The following XNDC1N variants were observed in gnomAD, a reference collection of about 807,000 sequenced individuals.
The protein encoded by XNDC1N is XRCC1 N-terminal domain containing 1, N-terminal like.
At chr11:71,886,757 C>A in the XNDC1N span, among the ~76,000 whole-genome samples, 1 of 152,066 alleles carries the variant, frequency 6.6e-6, no homozygotes, top group Non-Finnish European at 1.5e-5. Context: ...AAATAGCTAG[C>A]CAGGTGTTTG....
chr11:71,874,546 G>A, the XNDC1N span, among the ~76,000 whole-genome samples: 1 of 152,060 alleles, frequency 6.6e-6, no homozygotes, highest in Non-Finnish European at 1.5e-5. Context: ...AATTCATTTT[G>A]GAATTCTTGA....
At chr11:71,890,393 G>C in the XNDC1N span, among the ~76,000 whole-genome samples, 4 of 152,254 alleles carry the variant, frequency 2.6e-5, no homozygotes, top group Admixed American at 6.5e-5. Context: ...TATAACTTCT[G>C]AGATATTGGG....
chr11:71,917,597 C>CT, the XNDC1N span: 2 of 703,740 alleles, frequency 2.8e-6, no homozygotes, highest in Admixed American at 4.0e-5. Flanking sequence ...CCACCCCCAT[C>CT]TTTTCTGCTT....
At chr11:71,920,082 CGAATAGCT>C in the XNDC1N span, among the ~76,000 whole-genome samples, 3 of 142,880 alleles carry the variant, frequency 2.1e-5, no homozygotes, top group Non-Finnish European at 4.6e-5. Context: ...CTCAGCCTCC[CGAATAGCT>C]GGGACTACAG....
chr11:71,884,862 G>A, the XNDC1N span, among the ~76,000 whole-genome samples: 2 of 149,322 alleles, frequency 1.3e-5, no homozygotes, highest in Non-Finnish European at 3.0e-5. Flanking sequence ...TATCGCAGGG[G>A]GGTGAGGCAC....
chr11:71,901,603 C>T, the XNDC1N span, among the ~76,000 whole-genome samples: 1 of 151,656 alleles, frequency 6.6e-6, no homozygotes, highest in Non-Finnish European at 1.5e-5. Flanking sequence ...CATCTCAAAA[C>T]AACAAAAACA....
chr11:71,917,656 C>A, the XNDC1N span: 1 of 703,422 alleles, frequency 1.4e-6, no homozygotes, highest in South Asian at 1.5e-5. Flanking sequence ...GCGGTTCTTC[C>A]CCTGCTTTGA....
At chr11:71,906,453 G>C in the XNDC1N span, among the ~76,000 whole-genome samples, 1 of 152,070 alleles carries the variant, frequency 6.6e-6, no homozygotes, top group South Asian at 2.1e-4. Flanking sequence ...TGTGACATTA[G>C]AAGTCACATC....
the XNDC1N span, among the ~76,000 whole-genome samples, chr11:71,866,459 C>T: frequency 6.6e-6 from 1 of 152,024 alleles, no homozygotes; most frequent in East Asian, 1.9e-4. Flanking sequence ...GTTGATAAAC[C>T]CCAAAGGAGT....
the XNDC1N span, among the ~76,000 whole-genome samples, chr11:71,898,480 G>A: frequency 7.9e-5 from 12 of 152,096 alleles, no homozygotes; most frequent in Admixed American, 3.9e-4. Flanking sequence ...GATAGCGCAC[G>A]CCTGTAATCC....
the XNDC1N span, among the ~76,000 whole-genome samples, chr11:71,926,908 GAAATAAAATA>G: frequency 0.033 from 4,941 of 149,164 alleles, 95 homozygotes; most frequent in Non-Finnish European, 0.044. Flanking sequence ...CTCAAAAAAT[GAAATAAAATA>G]AAATAAAATA....
At chr11:71,865,640 C>T in the XNDC1N span, 57 of 179,066 alleles carry the variant, frequency 3.2e-4, no homozygotes, top group Middle Eastern at 1.7e-3. Flanking sequence ...TCTTAATTTT[C>T]TTTCTGATGA....
chr11:71,910,279 T>C, the XNDC1N span, among the ~76,000 whole-genome samples: 1 of 152,186 alleles, frequency 6.6e-6, no homozygotes, highest in East Asian at 1.9e-4. Flanking sequence ...TCCACATTGT[T>C]GGGGTTGCTG....
the XNDC1N span, among the ~76,000 whole-genome samples, chr11:71,879,913 T>C: frequency 6.6e-6 from 1 of 152,202 alleles, no homozygotes; most frequent in Non-Finnish European, 1.5e-5. Context: ...GTGGCATAGA[T>C]TCGTACTTCA....
the XNDC1N span, among the ~76,000 whole-genome samples, chr11:71,908,670 A>G: frequency 6.6e-5 from 10 of 152,136 alleles, no homozygotes; most frequent in Non-Finnish European, 2.9e-5. Context: ...CCCATACCGA[A>G]AAGCCACAAG....
the XNDC1N span, among the ~76,000 whole-genome samples, chr11:71,905,785 C>A: frequency 6.6e-6 from 1 of 152,016 alleles, no homozygotes; most frequent in Non-Finnish European, 1.5e-5. Context: ...AGGATGTACA[C>A]ACATGGGGTA....
the XNDC1N span, among the ~76,000 whole-genome samples, chr11:71,877,345 G>A: frequency 1.3e-5 from 2 of 152,218 alleles, no homozygotes; most frequent in South Asian, 2.1e-4. Context: ...AGTCTCTGAA[G>A]TTGATATTCT....
At chr11:71,923,559 T>TG in the XNDC1N span, 1 of 465,814 alleles carries the variant, frequency 2.1e-6, no homozygotes, top group South Asian at 2.3e-5. Flanking sequence ...ATTTCTGTTT[T>TG]GTTTTTTTTT....
chr11:71,921,195 C>T, the XNDC1N span, among the ~76,000 whole-genome samples: 1 of 151,968 alleles, frequency 6.6e-6, no homozygotes, highest in South Asian at 2.1e-4. Context: ...TTGCTCATTA[C>T]CTAGGGTATA....
Sources: allele counts gnomAD v4.1 joint callset (sites outside exome capture counted in the v4.1 genomes callset), GRCh38; gene constraint gnomAD v4.1.1; transcripts MANE v1.5; gene names NCBI Gene and HGNC (gene_info 2026-07-23, HGNC 2026-07-21).